The following PACSIN2 variants were observed in gnomAD, a reference collection of about 807,000 sequenced individuals.
The protein encoded by PACSIN2 is protein kinase C and casein kinase substrate in neurons 2.
Under a neutral mutation model 63.8 loss-of-function variants are expected in PACSIN2, and 25 were observed. That is an observed-to-expected ratio of 0.39 (90% CI 0.29 to 0.55). The LOEUF (loss-of-function observed/expected upper bound fraction) is 0.55, where lower values mean the gene tolerates loss of function less well. Ranked by LOEUF, PACSIN2 falls within the 20% of genes least tolerant of loss-of-function variation. PACSIN2 has a pLI of 0.62. For missense variants in PACSIN2, 518 were observed against 646.9 expected (o/e 0.80, Z 2.16); for synonymous variants, 255 against 256.2 (o/e 1.00, Z 0.05).
At chr22:42,878,622 G>A (rs374262036) in intron 8 of PACSIN2, among the ~76,000 whole-genome samples, 28 of 152,298 alleles carry the variant, frequency 1.8e-4, no homozygotes, top group African/African-American at 6.3e-4. Context: ...CTCGACTGGC[G>A]CCTGCACACA....
chr22:42,981,337 C>T (rs1334932086), intron 1 of PACSIN2, among the ~76,000 whole-genome samples: 6 of 144,270 alleles, frequency 4.2e-5, no homozygotes, highest in Admixed American at 2.0e-4. Flanking sequence ...GCAGCCACCC[C>T]GTCCGGGAGG....
chr22:42,979,649 T>A (rs954093653), intron 1 of PACSIN2, among the ~76,000 whole-genome samples: 6 of 152,256 alleles, frequency 3.9e-5, no homozygotes, highest in Non-Finnish European at 4.4e-5. Context: ...TCCTTCTCTA[T>A]GAATTCTCTG....
chr22:42,880,893 A>C (rs1929021265), intron 7 of PACSIN2, among the ~76,000 whole-genome samples: 1 of 152,202 alleles, frequency 6.6e-6, no homozygotes, highest in Non-Finnish European at 1.5e-5. Flanking sequence ...CTCCGGGAGC[A>C]GCAAATCCTC....
At chr22:42,887,551 G>A (rs1013898762) in intron 5 of PACSIN2, among the ~76,000 whole-genome samples, 2 of 152,104 alleles carry the variant, frequency 1.3e-5, no homozygotes, top group Non-Finnish European at 2.9e-5. Context: ...GTCTCTCTCT[G>A]CAAATCCTGG....
In PACSIN2 at chr22:42,913,717, T is replaced by C. The variant is rs545242502; in HGVS notation, c.-77-1560A>G. Reference sequence around the variant, plus strand: ...TGATTACTATCATTACTTCTGTCTCTATTTTAAAGTCAAGACAATTGATGT... The same window carrying C: ...TGATTACTATCATTACTTCTGTCTCCATTTTAAAGTCAAGACAATTGATGT... On this transcript the variant is annotated intron_variant, in intron 1 of 10. Transcript: ENST00000263246. Among the ~76,000 whole-genome samples the C allele has an allele frequency of 2.6e-3, 397 of 152,322 alleles. 2 individuals are homozygous for C. The highest frequency in any genetic ancestry group is 9.3e-3 in the African/African-American group (385 of 41,568).
At chr22:42,968,612 G>T (rs185164085) in intron 1 of PACSIN2, among the ~76,000 whole-genome samples, 81 of 152,142 alleles carry the variant, frequency 5.3e-4, no homozygotes, top group Non-Finnish European at 1.0e-3. Context: ...GTGTGTCCAT[G>T]GGGCTGTTTC....
intron 1 of PACSIN2, among the ~76,000 whole-genome samples, chr22:42,928,942 AAG>A (rs1932701916): frequency 6.6e-6 from 1 of 152,264 alleles, no homozygotes; most frequent in Non-Finnish European, 1.5e-5. Context: ...TTCACATGAA[AAG>A]AAGAGAGTGG....
At chr22:42,930,135 T>C (rs1394988058) in intron 1 of PACSIN2, among the ~76,000 whole-genome samples, 1 of 152,220 alleles carries the variant, frequency 6.6e-6, no homozygotes, top group African/African-American at 2.4e-5. Context: ...AACAGAGCCA[T>C]GCACAAAACG....
chr22:42,990,743 A>G (rs1458492146), intron 1 of PACSIN2, among the ~76,000 whole-genome samples: 1 of 152,100 alleles, frequency 6.6e-6, no homozygotes, highest in Non-Finnish European at 1.5e-5. Context: ...ACAGAGAACC[A>G]CTCAAGAATT....
chr22:42,919,854 G>T (rs1478742632), intron 1 of PACSIN2, among the ~76,000 whole-genome samples: 2 of 149,246 alleles, frequency 1.3e-5, no homozygotes, highest in African/African-American at 4.9e-5. Flanking sequence ...GGTGGTTCAC[G>T]CCTGGAAATC....
chr22:42,938,303 T>C (rs1932997625), intron 1 of PACSIN2, among the ~76,000 whole-genome samples: 2 of 152,100 alleles, frequency 1.3e-5, no homozygotes, highest in African/African-American at 4.8e-5. Context: ...GTTCTGAAGA[T>C]CCCACAGAAA....
chr22:42,882,106 G>A, intron 7 of PACSIN2, 78 bp downstream of exon 7: 3 of 1,514,064 alleles, frequency 2.0e-6, no homozygotes, highest in Non-Finnish European at 2.7e-6. Flanking sequence ...TCTAGAATGA[G>A]AAAGACATCA....
intron 1 of PACSIN2, among the ~76,000 whole-genome samples, chr22:42,943,758 A>T (rs1347334284): frequency 2.0e-5 from 3 of 152,230 alleles, no homozygotes; most frequent in African/African-American, 7.2e-5. Flanking sequence ...TAAGCAACTC[A>T]AAGAAAAGCA....
intron 2 of PACSIN2, among the ~76,000 whole-genome samples, chr22:42,900,639 A>G (rs1271415836): frequency 6.6e-6 from 1 of 152,002 alleles, no homozygotes; most frequent in Non-Finnish European, 1.5e-5. Flanking sequence ...CACCTGGCTA[A>G]TTTTTTATAT....
chr22:42,974,407 C>A (rs1304018657), intron 1 of PACSIN2, among the ~76,000 whole-genome samples: 3 of 152,172 alleles, frequency 2.0e-5, no homozygotes, highest in Non-Finnish European at 4.4e-5. Context: ...TCCATTCCCT[C>A]AATGCTCCTG....
intron 1 of PACSIN2, among the ~76,000 whole-genome samples, chr22:42,937,944 C>T (rs960797369): frequency 4.6e-5 from 7 of 152,216 alleles, no homozygotes; most frequent in African/African-American, 1.4e-4. Context: ...GGAATGACAG[C>T]GGTAGAAGTC....
intron 2 of PACSIN2, among the ~76,000 whole-genome samples, chr22:42,908,034 G>T (rs575514565): frequency 1.3e-5 from 2 of 150,040 alleles, no homozygotes; most frequent in African/African-American, 4.8e-5. Context: ...ACTCTTCAGG[G>T]CTAACATTCC....
intron 1 of PACSIN2, among the ~76,000 whole-genome samples, chr22:42,954,725 G>A (rs1169649265): frequency 1.3e-5 from 2 of 152,150 alleles, no homozygotes; most frequent in African/African-American, 2.4e-5. Flanking sequence ...GAAATGGTTA[G>A]AAGACCAGGA....
intron 1 of PACSIN2, among the ~76,000 whole-genome samples, chr22:42,914,045 G>A (rs1569263460): frequency 6.6e-6 from 1 of 152,334 alleles, no homozygotes; most frequent in Middle Eastern, 3.4e-3. Flanking sequence ...GCCGCTGTGA[G>A]GAGACTGTTG....
Sources: gnomAD v4.1 joint callset for allele counts (sites outside exome capture counted in the v4.1 genomes callset) on GRCh38, gnomAD v4.1.1 for gene constraint, MANE v1.5 for transcripts, NCBI Gene and HGNC (gene_info 2026-07-23, HGNC 2026-07-21) for gene names.